Variants in METTL15 observed in about 807,000 individuals in gnomAD.
The protein encoded by METTL15 is methyltransferase 15, mitochondrial 12S rRNA N4-cytidine.
In METTL15, 34 loss-of-function variants were observed where a neutral mutation model predicts 38.3. That is an observed-to-expected ratio of 0.89 (90% CI 0.68 to 1.18). The LOEUF (loss-of-function observed/expected upper bound fraction) is 1.18, where lower values mean the gene tolerates loss of function less well. Ranked by LOEUF, METTL15 falls within the 50% of genes most tolerant of loss-of-function variation. METTL15 has a pLI of 0.00. For missense variants in METTL15, 438 were observed against 498.4 expected (o/e 0.88, Z 1.15); for synonymous variants, 162 against 170.9 (o/e 0.95, Z 0.41).
chr11:28,287,033 C>T (rs956377434), intron 4 of METTL15, among the ~76,000 whole-genome samples: 9 of 149,862 alleles, frequency 6.0e-5, no homozygotes, highest in Non-Finnish European at 8.9e-5. Flanking sequence ...ATGTACTCTC[C>T]GCACTATATA....
chr11:28,217,775 A>G (rs566976637), intron 4 of METTL15, among the ~76,000 whole-genome samples: 16 of 152,300 alleles, frequency 1.1e-4, no homozygotes, highest in Middle Eastern at 3.4e-3. Context: ...CTTTCTACAT[A>G]TGGCTAGCCA....
chr11:28,118,427 C>T (rs1207333877), intron 3 of METTL15, among the ~76,000 whole-genome samples: 1 of 151,960 alleles, frequency 6.6e-6, no homozygotes, highest in Non-Finnish European at 1.5e-5. Flanking sequence ...TTTCTCCCTG[C>T]TTAGTTTGCA....
At chr11:28,196,103 G>A (rs941064225) in intron 3 of METTL15, among the ~76,000 whole-genome samples, 3 of 151,944 alleles carry the variant, frequency 2.0e-5, no homozygotes, top group Non-Finnish European at 4.4e-5. Context: ...GGTTACTATA[G>A]CCTTATAATA....
At chr11:28,528,622 T>C (rs1851827312), downstream of METTL15, among the ~76,000 whole-genome samples, 1 of 152,246 alleles carries the variant, frequency 6.6e-6, no homozygotes, top group South Asian at 2.1e-4. Context: ...CTTTGGGCCA[T>C]GTTGTAAAGA....
In METTL15 at chr11:28,110,385, A is replaced by C. The variant is rs1272636890; in HGVS notation, c.-34A>C. 1 of 152,216 alleles carries C rather than the reference A, an allele frequency of 6.6e-6. No homozygotes were observed. The highest frequency in any genetic ancestry group is 6.5e-5 in the Admixed American group (1 of 15,278). 9.4% of individuals were successfully genotyped at this position (152,216 alleles called of 1,614,324 possible). A position where few individuals can be genotyped will look rare whatever the true frequency, so the allele number is the denominator to read the frequency against. ...TGGCCCGAGTTAGAGGCCAGCTGAGAAGTCTTCGTGCTTCAGGTGAGGAGA... is the reference window on the plus strand; with the variant it reads ...TGGCCCGAGTTAGAGGCCAGCTGAGCAGTCTTCGTGCTTCAGGTGAGGAGA... On this transcript the variant is annotated 5_prime_UTR_variant, in exon 2 of 7. Transcript: ENST00000407364.
intron 5 of METTL15, among the ~76,000 whole-genome samples, chr11:28,374,098 G>A (rs921696013): frequency 2.5e-4 from 38 of 152,146 alleles, no homozygotes; most frequent in African/African-American, 8.4e-4. Context: ...GTCAGGTAGT[G>A]TGATGTCTCC....
At chr11:28,238,352 A>T (rs933371447) in intron 4 of METTL15, among the ~76,000 whole-genome samples, 5 of 151,982 alleles carry the variant, frequency 3.3e-5, no homozygotes, top group African/African-American at 1.2e-4. Flanking sequence ...TTGCAGTTTG[A>T]TCTCAGACTG....
intron 6 of METTL15, among the ~76,000 whole-genome samples, chr11:28,304,865 C>T (rs1187979130): frequency 1.3e-5 from 2 of 152,024 alleles, no homozygotes; most frequent in Non-Finnish European, 2.9e-5. Flanking sequence ...TCAAAAAATA[C>T]TCTTTATACT....
intron 4 of METTL15, among the ~76,000 whole-genome samples, chr11:28,213,635 A>T (rs1852733702): frequency 1.3e-5 from 2 of 148,700 alleles, no homozygotes; most frequent in Non-Finnish European, 1.5e-5. Flanking sequence ...AAAAAAAAAT[A>T]GGAAAAAGCA....
chr11:28,492,520 C>CCACACACACACA (rs34573735), intron 6 of METTL15, among the ~76,000 whole-genome samples: 4 of 147,042 alleles, frequency 2.7e-5, no homozygotes, highest in African/African-American at 2.5e-5. Flanking sequence ...GCAACTGGAG[C>CCACACACACACA]CACACACACA....
chr11:28,382,845 AAAAG>A (rs199753456), intron 5 of METTL15, among the ~76,000 whole-genome samples: 5 of 151,866 alleles, frequency 3.3e-5, no homozygotes, highest in African/African-American at 1.2e-4. Flanking sequence ...CAAAAAAAAA[AAAAG>A]AAAGTTCAAT....
chr11:28,526,038 G>T (rs1453044196), intron 6 of METTL15, among the ~76,000 whole-genome samples: 1 of 152,230 alleles, frequency 6.6e-6, no homozygotes, highest in Non-Finnish European at 1.5e-5. Flanking sequence ...GCAGCTGCTG[G>T]CCCGGGTGCT....
At chr11:28,404,978 ATCT>A (rs1219348626) in intron 5 of METTL15, among the ~76,000 whole-genome samples, 22 of 152,136 alleles carry the variant, frequency 1.4e-4, no homozygotes, top group African/African-American at 4.1e-4. Flanking sequence ...GACTGATTAG[ATCT>A]TCTTCAAGCC....
At chr11:28,287,998 G>A (rs571412039) in intron 4 of METTL15, among the ~76,000 whole-genome samples, 1 of 152,182 alleles carries the variant, frequency 6.6e-6, no homozygotes, top group Admixed American at 6.6e-5. Context: ...GCTGGGAGGG[G>A]AATATATGTG....
At chr11:28,185,273 A>G (rs1851453302) in intron 3 of METTL15, among the ~76,000 whole-genome samples, 1 of 151,526 alleles carries the variant, frequency 6.6e-6, no homozygotes, top group Admixed American at 6.6e-5. Context: ...AGAATTAAAA[A>G]GAAAGGCAGC....
rs994963210 is a variant in METTL15 at position 28,377,099 on chromosome 11, C to T, written c.*358+15063C>T. Among the ~76,000 whole-genome samples the T allele has an allele frequency of 3.6e-4, 51 of 142,186 alleles. 1 individual carries two copies. The highest frequency in any genetic ancestry group is 1.4e-3 in the South Asian group (6 of 4,290). The allele number at this position is 142,186 out of a possible 152,430, so 93.3% of individuals were successfully genotyped here. A position where few individuals can be genotyped will look rare whatever the true frequency, so the allele number is the denominator to read the frequency against. ...TCTCTGGCTGCCCTCAACATTTTTT[C>T]CTTCATTTCAACTTTGGTGAATCTG... is the stretch of plus-strand genomic sequence containing the variant. On this transcript the variant is annotated intron_variant and NMD_transcript_variant, in intron 5 of 7. Coordinates refer to the METTL15 transcript ENST00000532947.
At chr11:28,412,274 C>T (rs1029428424) in intron 5 of METTL15, among the ~76,000 whole-genome samples, 1 of 151,878 alleles carries the variant, frequency 6.6e-6, no homozygotes, top group Non-Finnish European at 1.5e-5. Context: ...ATTACCACCT[C>T]ATAAGGATGT....
At chr11:28,294,273 A>G (rs906168342) in intron 5 of METTL15, among the ~76,000 whole-genome samples, 1 of 152,140 alleles carries the variant, frequency 6.6e-6, no homozygotes, top group Non-Finnish European at 1.5e-5. Context: ...GAATTCATTG[A>G]AAAAGAAAAG....
chr11:28,441,276 A>G (rs1045971634), intron 6 of METTL15, among the ~76,000 whole-genome samples: 13 of 151,876 alleles, frequency 8.6e-5, no homozygotes, highest in African/African-American at 3.1e-4. Flanking sequence ...ACAGGGTTTC[A>G]CCATGTTGGC....
Sources: gnomAD v4.1 joint callset for allele counts (sites outside exome capture counted in the v4.1 genomes callset) on GRCh38, gnomAD v4.1.1 for gene constraint, MANE v1.5 for transcripts, NCBI Gene and HGNC (gene_info 2026-07-23, HGNC 2026-07-21) for gene names.